AGAP1: variants seen among roughly 807,000 people sequenced by gnomAD.
AGAP1 encodes the protein ArfGAP with GTPase domain, ankyrin repeat and PH domain 1, also known as arf-GAP with GTPase, ANK repeat and PH domain-containing protein 1.
A neutral mutation model predicts 105.3 loss-of-function variants in AGAP1; 29 were observed. That is an observed-to-expected ratio of 0.28 (90% CI 0.21 to 0.38). AGAP1 has a LOEUF of 0.38. Ranked by LOEUF, AGAP1 falls within the 10% of genes least tolerant of loss-of-function variation. AGAP1 has a pLI of 1.00. For synonymous variants in AGAP1, 509 were observed against 485.9 expected (o/e 1.05, Z -0.63); for missense variants, 998 against 1,165.1 (o/e 0.86, Z 2.09).
At chr2:235,760,983 T>A (rs185219357) in intron 6 of AGAP1, among the ~76,000 whole-genome samples, 2 of 152,316 alleles carry the variant, frequency 1.3e-5, no homozygotes, top group East Asian at 3.9e-4. Flanking sequence ...GGAGGGAATA[T>A]CTTAATTATC....
chr2:235,535,302 TC>T lies in AGAP1; in HGVS notation c.163+40455del, dbSNP rs1222228603. ...CTCTTTCAATGCGGGCGTGCGAACT[TC>T]CAGGTAGAGCCGAGTTCAAGAAAAT... On this transcript the variant is annotated intron_variant, in intron 1 of 17. Transcript: ENST00000304032. This position sits in a 1 kb window ranked among gnomAD's most constrained non-coding sequence, Gnocchi z 5.1. Among the ~76,000 whole-genome samples the T allele has an allele frequency of 2.0e-5, 3 of 152,152 alleles. No individual in the cohort carries two copies. Among genetic ancestry groups the T allele is most frequent in the African/African-American group, 4.8e-5 (2 of 41,520 alleles).
chr2:236,036,579 A>C lies in AGAP1; in HGVS notation c.1664A>C (p.Glu555Ala). ...GTTTCAGAACAAGAAGAAAATTTTG[A>C]GTTTATCATTGTGTCCCTCACTGGC... is the stretch of plus-strand genomic sequence containing the variant. ...GTAEEQEENF[E>A]FIIVSLTGQT... The change falls in exon 14 of 18, where the codon GAG (glutamate) becomes GCG (alanine). Residue 555 changes from glutamate (E) to alanine (A), a missense_variant. Around this residue, in one of 3 missense-constraint regions of AGAP1, gnomAD observed 735 missense variants for 833.4 expected, o/e 0.88. Coordinates refer to ENST00000304032, the MANE Select transcript of AGAP1 (RefSeq NM_001037131.3). This position sits in a 1 kb window ranked among gnomAD's most constrained non-coding sequence, Gnocchi z 5.7. 6.2e-7 allele frequency: 1 copy of C among 1,614,074 alleles called. No individual in the cohort carries two copies. The highest frequency in any genetic ancestry group is 1.1e-5 in the South Asian group (1 of 91,076).
chr2:236,075,377 A>G (rs537515272), intron 16 of AGAP1, among the ~76,000 whole-genome samples: 71 of 152,256 alleles, frequency 4.7e-4, no homozygotes, highest in African/African-American at 1.6e-3. Flanking sequence ...CCCCACCCCC[A>G]AGGGCTCCCA....
Position 236,131,025 on chromosome 2 carries a change from T to C in AGAP1, c.*6903T>C, listed in dbSNP as rs1162377221. The C allele has an allele frequency of 6.6e-6, 1 of 152,302 alleles. No individual in the cohort carries two copies. Among genetic ancestry groups the C allele is most frequent in the Non-Finnish European group, 1.5e-5 (1 of 68,092 alleles). 9.4% of individuals were successfully genotyped at this position (152,302 alleles called of 1,614,324 possible). On this transcript the variant is annotated 3_prime_UTR_variant, in exon 18 of 18. Transcript: ENST00000304032. This position sits in a 1 kb window ranked among gnomAD's most constrained non-coding sequence, Gnocchi z 5.9. ...GGTGGCAAAGTGTGCATTTAGAAGC[T>C]GCTTCGTGGCGTTAAGAACGGGGGG...
Position 235,752,510 on chromosome 2 carries a change from C to G in AGAP1, c.673+2022C>G, listed in dbSNP as rs906531929. ...AGACTTTTCATGACGCAGAGCCACG[C>G]TTTGTGTCGATGGGCTGCAGCGGGT... On this transcript the variant is annotated intron_variant, in intron 6 of 17. Transcript: ENST00000304032. This position sits in a 1 kb window ranked among gnomAD's most constrained non-coding sequence, Gnocchi z 4.3. Among the ~76,000 whole-genome samples, 3 of 152,124 alleles carry G rather than the reference C, an allele frequency of 2.0e-5. No homozygotes were observed. Among genetic ancestry groups the G allele is most frequent in the African/African-American group, 7.2e-5 (3 of 41,430 alleles).
chr2:235,718,014 G>A (rs1951205582), intron 3 of AGAP1, among the ~76,000 whole-genome samples: 1 of 152,232 alleles, frequency 6.6e-6, no homozygotes, highest in Middle Eastern at 3.4e-3. Flanking sequence ...TGTATGTAAT[G>A]TTACTTAGTC....
intron 1 of AGAP1, among the ~76,000 whole-genome samples, chr2:235,598,173 G>T (rs186354496): frequency 1.3e-5 from 2 of 152,230 alleles, no homozygotes; most frequent in African/African-American, 4.8e-5. Flanking sequence ...TGCACATTAG[G>T]TGACTGGCGT....
rs1415343809 is a variant in AGAP1, at chr2:235,993,778, T to C, written c.1645+25155T>C. Among the ~76,000 whole-genome samples, 1 of 152,166 alleles carries C rather than the reference T, an allele frequency of 6.6e-6. No homozygotes were observed. Among genetic ancestry groups the C allele is most frequent in the Non-Finnish European group, 1.5e-5 (1 of 68,030 alleles). On this transcript the variant is annotated intron_variant, in intron 13 of 17. Coordinates refer to ENST00000304032, the MANE Select transcript of AGAP1 (RefSeq NM_001037131.3). The surrounding 1 kb of genome is among the most constrained non-coding windows in gnomAD (Gnocchi z 5.0). ...GCCACGCCCTTCTGCTTTGGCTGTG[T>C]AGATGCTGTTCCAGTCCTGGGGAGC...
At position 235,687,548 on chromosome 2, in the gene AGAP1, T is replaced by TA. The variant is rs375707757; in HGVS notation, c.164-21630dup. Among the ~76,000 whole-genome samples, 232 of 152,328 alleles carry TA rather than the reference T, an allele frequency of 1.5e-3. 2 individuals are homozygous for TA. Among genetic ancestry groups the TA allele is most frequent in the African/African-American group, 4.8e-3 (198 of 41,578 alleles). ...CATTTTAGGTGAGTTTCCAAACAGA[T>TA]ATATTGGATGTATATCAGTTTAATT... is the stretch of plus-strand genomic sequence containing the variant. On this transcript the variant is annotated intron_variant, in intron 1 of 17. Transcript: ENST00000304032.
chr2:235,884,537 G>T (rs1364997599), intron 10 of AGAP1, among the ~76,000 whole-genome samples: 1 of 143,636 alleles, frequency 7.0e-6, no homozygotes, highest in African/African-American at 2.6e-5. Flanking sequence ...TGCAACCTCT[G>T]CCTCCTGGGT....
At position 235,957,905 on chromosome 2, in the gene AGAP1, TA is replaced by T. The variant is rs1363989445; in HGVS notation, c.1484-10554del. Among the ~76,000 whole-genome samples the T allele has an allele frequency of 6.6e-6, 1 of 152,188 alleles. No homozygotes were observed. Among genetic ancestry groups the T allele is most frequent in the African/African-American group, 2.4e-5 (1 of 41,442 alleles). On this transcript the variant is annotated intron_variant, in intron 12 of 17. Coordinates refer to ENST00000304032, the MANE Select transcript of AGAP1 (RefSeq NM_001037131.3). The surrounding 1 kb of genome is among the most constrained non-coding windows in gnomAD (Gnocchi z 4.6). The stretch of plus-strand genomic sequence containing the variant: ...CAAATGGGCCTGTCTTTGATAATTT[TA>T]AATTATTTTAATACCAAGCAAAAAA...
intron 1 of AGAP1, among the ~76,000 whole-genome samples, chr2:235,561,865 T>TAGAA (rs1944163485): frequency 6.6e-6 from 1 of 152,168 alleles, no homozygotes; most frequent in Non-Finnish European, 1.5e-5. Flanking sequence ...GAAACATAGC[T>TAGAA]TTCTTTATAC....
chr2:235,810,076 C>T (rs1958051908), intron 9 of AGAP1, among the ~76,000 whole-genome samples: 1 of 152,146 alleles, frequency 6.6e-6, no homozygotes, highest in Non-Finnish European at 1.5e-5. Context: ...TGATGAAAAG[C>T]CTTCAGAAAG....
intron 1 of AGAP1, among the ~76,000 whole-genome samples, chr2:235,677,384 G>C (rs926054159): frequency 6.6e-6 from 1 of 152,072 alleles, no homozygotes; most frequent in South Asian, 2.1e-4. Flanking sequence ...GGATTGTTTC[G>C]GCGACTCCTT....
At chr2:235,943,583 A>C (rs13003684) in intron 12 of AGAP1, among the ~76,000 whole-genome samples, 95,879 of 151,950 alleles carry the variant, frequency 0.63, 31,770 homozygotes, top group African/African-American at 0.85. Context: ...CTCCTGACCT[A>C]AGGTGATCCA....
Position 235,969,784 on chromosome 2 carries a change from G to A in AGAP1, c.1645+1161G>A, listed in dbSNP as rs1392525300. On this transcript the variant is annotated intron_variant, in intron 13 of 17. Coordinates refer to ENST00000304032, the MANE Select transcript of AGAP1 (RefSeq NM_001037131.3). ...GCATCATTTCTTTCATCATCAGGAAGCTGAAGTTCGGAGCTCTGAGTAGCC... is the reference window on the plus strand; with the variant it reads ...GCATCATTTCTTTCATCATCAGGAAACTGAAGTTCGGAGCTCTGAGTAGCC... Among the ~76,000 whole-genome samples the A allele has an allele frequency of 2.0e-5, 3 of 152,314 alleles. No individual in the cohort carries two copies. In the East Asian group the frequency reaches 5.8e-4, roughly 29 times the overall value.
At chr2:236,008,395 T>G (rs990583631) in intron 13 of AGAP1, among the ~76,000 whole-genome samples, 1 of 152,182 alleles carries the variant, frequency 6.6e-6, no homozygotes, top group Non-Finnish European at 1.5e-5. Context: ...GAAATTTCTG[T>G]TTTTCACCGA....
At chr2:235,786,920 C>T (rs547028060) in intron 6 of AGAP1, among the ~76,000 whole-genome samples, 13 of 152,364 alleles carry the variant, frequency 8.5e-5, no homozygotes, top group African/African-American at 1.7e-4. Context: ...CTCTCTTCCC[C>T]GCTTGTTCTG....
chr2:236,097,806 C>T (rs2059232091), intron 16 of AGAP1, among the ~76,000 whole-genome samples: 1 of 152,134 alleles, frequency 6.6e-6, no homozygotes, highest in Non-Finnish European at 1.5e-5. Context: ...AACTTTTTAC[C>T]TATTAAATAC....
Sources: allele counts gnomAD v4.1 joint callset (sites outside exome capture counted in the v4.1 genomes callset), GRCh38; gene constraint gnomAD v4.1.1; regional missense constraint gnomAD v4.1.1; non-coding constraint Gnocchi (gnomAD v3.1); transcripts MANE v1.5; gene names NCBI Gene and HGNC (gene_info 2026-07-23, HGNC 2026-07-21).